Variants in PSMD1 observed in about 807,000 individuals in gnomAD.
PSMD1 encodes the protein 26S proteasome non-ATPase regulatory subunit 1.
In PSMD1, 18 loss-of-function variants were observed where a neutral mutation model predicts 119.0. The observed-to-expected ratio is 0.15, with a 90% CI of 0.10 to 0.22. PSMD1 has a LOEUF of 0.22. Ranked by LOEUF, PSMD1 falls within the 10% of genes least tolerant of loss-of-function variation. The pLI is 1.00. For missense variants in PSMD1, 702 were observed against 1,158.5 expected, an observed-to-expected ratio of 0.61 and a Z score of 5.72; for synonymous variants, 374 against 396.6, an observed-to-expected ratio of 0.94 and a Z score of 0.68.
At chr2:231,125,387 G>A (rs2125236279) in intron 16 of PSMD1, among the ~76,000 whole-genome samples, 1 of 152,288 alleles carries the variant, frequency 6.6e-6, no homozygotes, top group East Asian at 1.9e-4. Context: ...CTATTTTAGA[G>A]GTTTCATTCT....
Position 231,083,640 on chromosome 2 carries a change from T to C in PSMD1, c.1599T>C (p.Val533=). ...ATGCTCAGGCTATTGAGGACATGGT[T>C]GGTTATGCACAAGAAACTCAACATG... The part of the protein sequence containing the change: ...SKNAQAIEDM[V]GYAQETQHEK... The change falls in exon 14 of 25, where the codon GTT becomes GTC. Residue 533 remains valine (V), a synonymous_variant. Coordinates refer to ENST00000308696, the MANE Select transcript of PSMD1 (RefSeq NM_002807.4). The C allele has an allele frequency of 2.5e-6, 4 of 1,614,212 alleles. No homozygotes were observed. Among genetic ancestry groups the C allele is most frequent in the Non-Finnish European group, 3.4e-6 (4 of 1,180,036 alleles).
chr2:231,136,218 T>C (rs779963565), intron 16 of PSMD1, among the ~76,000 whole-genome samples: 3 of 152,170 alleles, frequency 2.0e-5, no homozygotes, highest in Non-Finnish European at 2.9e-5. Flanking sequence ...GTGTAGGATT[T>C]CGGTTCACTT....
intron 16 of PSMD1, among the ~76,000 whole-genome samples, chr2:231,095,260 C>T (rs963638361): frequency 2.0e-5 from 3 of 152,094 alleles, no homozygotes; most frequent in East Asian, 1.9e-4. Flanking sequence ...CAAGGTGGGA[C>T]GAAGCCAATT....
intron 17 of PSMD1, among the ~76,000 whole-genome samples, chr2:231,144,418 ATTTTTTTTTTTTTTTTTTTTT>A (rs751682132): frequency 2.1e-4 from 16 of 75,194 alleles, no homozygotes; most frequent in Admixed American, 7.5e-4. Flanking sequence ...CGCCCAGCTA[ATTTTTTTTTTTTTTTTTTTTT>A]TTTTTTTTTT....
At chr2:231,157,413 G>GT (rs1450903198) in intron 19 of PSMD1, among the ~76,000 whole-genome samples, 3 of 141,940 alleles carry the variant, frequency 2.1e-5, no homozygotes, top group Admixed American at 6.9e-5. Context: ...TTCAGCCTCT[G>GT]TTTGTCTTTT....
intron 1 of PSMD1, among the ~76,000 whole-genome samples, chr2:231,059,138 A>G (rs919855216): frequency 1.3e-5 from 2 of 152,238 alleles, no homozygotes; most frequent in Non-Finnish European, 2.9e-5. Flanking sequence ...TGGTGACAAT[A>G]TAATAGACTT....
intron 5 of PSMD1, among the ~76,000 whole-genome samples, chr2:231,067,517 A>G (rs1172226099): frequency 6.6e-6 from 1 of 152,212 alleles, no homozygotes; most frequent in Non-Finnish European, 1.5e-5. Context: ...TAAAATGGAC[A>G]TTGATCTGCA....
chr2:231,163,472 C>G, intron 20 of PSMD1, 163 bp from the exon 21 acceptor site: 1 of 540,614 alleles, frequency 1.8e-6, no homozygotes, highest in Non-Finnish European at 3.3e-6. Flanking sequence ...CTGTAAAGAA[C>G]CTAAAAACTA....
rs77125921 is a variant in PSMD1 at position 231,112,516 on chromosome 2, C to T, written c.1883+25335C>T. On this transcript the variant is annotated intron_variant, in intron 16 of 24. Coordinates refer to ENST00000308696, the MANE Select transcript of PSMD1 (RefSeq NM_002807.4). ...TCATTTCAGGAATATGAAGGTCAATCTCATTGTTTTGCTTTCTTGCTGTTT... is the reference window on the plus strand; with the variant it reads ...TCATTTCAGGAATATGAAGGTCAATTTCATTGTTTTGCTTTCTTGCTGTTT... Among the ~76,000 whole-genome samples the T allele has an allele frequency of 9.1e-3, 1,383 of 152,320 alleles. 23 individuals carry two copies. The highest frequency in any genetic ancestry group is 0.032 in the African/African-American group (1,311 of 41,568).
chr2:231,082,818 T>C, intron 12 of PSMD1, 65 bp from the exon 13 acceptor site: 1 of 1,199,562 alleles, frequency 8.3e-7, no homozygotes, highest in Admixed American at 2.0e-5. Flanking sequence ...ATTTTGAAAT[T>C]AGAATAAAAA....
At chr2:231,078,115 A>G (rs1409922826) in intron 9 of PSMD1, among the ~76,000 whole-genome samples, 2 of 152,214 alleles carry the variant, frequency 1.3e-5, no homozygotes, top group Non-Finnish European at 2.9e-5. Flanking sequence ...TTAAAATACA[A>G]AAATTAGCCG....
intron 1 of PSMD1, among the ~76,000 whole-genome samples, chr2:231,057,460 G>A (rs1559213607): frequency 6.6e-6 from 1 of 152,248 alleles, no homozygotes; most frequent in Non-Finnish European, 1.5e-5. Context: ...CCCTGATCGG[G>A]CAGCCTAACT....
Position 231,153,512 on chromosome 2 carries a change from G to T in PSMD1, c.2116-52G>T, listed in dbSNP as rs1182439020. ...GCAATATTATTCCCTGTTCTAAAATGGTACCGCAAATGAGTAGACTTAGAC... is the reference window on the plus strand; with the variant it reads ...GCAATATTATTCCCTGTTCTAAAATTGTACCGCAAATGAGTAGACTTAGAC... On this transcript the variant is annotated intron_variant, in intron 18 of 24. Transcript: ENST00000308696. The T allele has an allele frequency of 7.1e-5, 87 of 1,229,688 alleles. 1 individual carries two copies. The Middle Eastern group carries it at 1.3e-3, about 19-fold the overall frequency. The allele number at this position is 1,229,688 out of a possible 1,614,324, so 76.2% of individuals were successfully genotyped here.
intron 7 of PSMD1, among the ~76,000 whole-genome samples, chr2:231,075,223 T>C (rs767693061): frequency 1.1e-4 from 16 of 152,200 alleles, no homozygotes; most frequent in Admixed American, 6.5e-4. Context: ...TGATTTTGCT[T>C]TACCTGACTG....
At chr2:231,154,494 GTC>G (rs1696442551) in intron 19 of PSMD1, among the ~76,000 whole-genome samples, 1 of 152,174 alleles carries the variant, frequency 6.6e-6, no homozygotes, top group African/African-American at 2.4e-5. Context: ...TTAAGACAGA[GTC>G]TCACTCTGTC....
intron 6 of PSMD1, among the ~76,000 whole-genome samples, chr2:231,071,790 C>A (rs1052439464): frequency 2.0e-5 from 3 of 151,902 alleles, no homozygotes; most frequent in Admixed American, 1.3e-4. Flanking sequence ...TTGTCCTGGC[C>A]CAACACAACA....
intron 24 of PSMD1, among the ~76,000 whole-genome samples, chr2:231,171,195 T>C (rs1487116845): frequency 6.6e-6 from 1 of 152,232 alleles, no homozygotes; most frequent in East Asian, 1.9e-4. Context: ...CTGATTTTTC[T>C]CTCTCCCCAT....
At chr2:231,084,883 A>G in intron 14 of PSMD1, 136 bp from the exon 15 acceptor site, 1 of 653,546 alleles carries the variant, frequency 1.5e-6, no homozygotes, top group African/African-American at 1.8e-5. Flanking sequence ...AAAAACTACC[A>G]ACCACAAAAG....
intron 16 of PSMD1, among the ~76,000 whole-genome samples, chr2:231,100,655 T>C (rs1454395074): frequency 1.3e-5 from 2 of 152,202 alleles, no homozygotes; most frequent in Non-Finnish European, 2.9e-5. Flanking sequence ...TACTGACATA[T>C]TAATTATTTG....
Sources: gnomAD v4.1 joint callset for allele counts (sites outside exome capture counted in the v4.1 genomes callset) on GRCh38, gnomAD v4.1.1 for gene constraint, MANE v1.5 for transcripts, NCBI Gene and HGNC (gene_info 2026-07-23, HGNC 2026-07-21) for gene names.